Variants in PTPRE observed in about 807,000 individuals in gnomAD.
PTPRE encodes the protein receptor-type tyrosine-protein phosphatase epsilon.
A neutral mutation model predicts 102.0 loss-of-function variants in PTPRE; 51 were observed. The ratio of observed to expected loss-of-function variants is 0.50; its 90% CI spans 0.40 to 0.63. PTPRE has a LOEUF of 0.63. Ranked by LOEUF, PTPRE falls within the 30% of genes least tolerant of loss-of-function variation. PTPRE has a pLI of 0.00. For synonymous variants in PTPRE, 345 were observed against 348.2 expected (o/e 0.99, Z 0.10); for missense variants, 752 against 915.1 (o/e 0.82, Z 2.30).
At chr10:127,953,840 A>G (rs1400784190) in intron 1 of PTPRE, among the ~76,000 whole-genome samples, 5 of 152,198 alleles carry the variant, frequency 3.3e-5, no homozygotes, top group Admixed American at 3.3e-4. Context: ...ACACTGGGCA[A>G]TGTACCTGGT....
chr10:127,910,727 C>T lies in PTPRE; in HGVS notation c.-31+3418C>T, dbSNP rs372393974. 7.9e-5 allele frequency among the ~76,000 whole-genome samples: 12 copies of T among 152,308 alleles called. No homozygotes were observed. The South Asian group carries it at 2.3e-3, about 29-fold the overall frequency. ...ATTGACAGGCCGCTTGGCTGGTATG[C>T]AGTAAACTGTGGTTATCTTTCCCCT... On this transcript the variant is annotated intron_variant, in intron 1 of 20. Transcript: ENST00000254667.
rs1846472823 is a variant in PTPRE at position 128,028,760 on chromosome 10, C to T, written c.-7-12115C>T. ...GGATCTGCTCCCAGGAAGAAGCCTCCATCCCTGCGGAGGGCTTGAGACCCT... is the reference window on the plus strand; with the variant it reads ...GGATCTGCTCCCAGGAAGAAGCCTCTATCCCTGCGGAGGGCTTGAGACCCT... On this transcript the variant is annotated intron_variant, in intron 2 of 20. Coordinates refer to ENST00000254667, the MANE Select transcript of PTPRE (RefSeq NM_006504.6). The surrounding 1 kb of genome is among the most constrained non-coding windows in gnomAD (Gnocchi z 4.5). Among the ~76,000 whole-genome samples, 1 of 152,168 alleles carries T rather than the reference C, an allele frequency of 6.6e-6. No individual in the cohort carries two copies. Among genetic ancestry groups the T allele is most frequent in the African/African-American group, 2.4e-5 (1 of 41,434 alleles).
chr10:127,969,156 C>T lies in PTPRE; in HGVS notation c.-30-13118C>T, dbSNP rs114701541. ...ATAGTGCAACACTAAATTCGGAAGG[C>T]GAACGCCATGGAGCTGGAATTGCAT... is the stretch of plus-strand genomic sequence containing the variant. On this transcript the variant is annotated intron_variant, in intron 1 of 20. Transcript: ENST00000254667. Among the ~76,000 whole-genome samples, 10 of 152,312 alleles carry T rather than the reference C, an allele frequency of 6.6e-5. No homozygotes were observed. In the East Asian group the frequency reaches 1.2e-3, roughly 18 times the overall value.
intron 1 of PTPRE, among the ~76,000 whole-genome samples, chr10:127,923,235 C>A (rs1846737230): frequency 6.6e-6 from 1 of 152,184 alleles, no homozygotes; most frequent in Admixed American, 6.5e-5. Flanking sequence ...ATCACCTTAT[C>A]AGGTGAGGGG....
intron 1 of PTPRE, among the ~76,000 whole-genome samples, chr10:127,946,590 T>A (rs1210149308): frequency 6.6e-6 from 1 of 152,082 alleles, no homozygotes; most frequent in Non-Finnish European, 1.5e-5. Flanking sequence ...AAGAGCAAGA[T>A]GCGCTTGCAC....
At chr10:127,982,403 G>A in intron 2 of PTPRE, 107 bp downstream of exon 2, 2 of 775,892 alleles carry the variant, frequency 2.6e-6, no homozygotes, top group East Asian at 6.5e-5. Flanking sequence ...GAGAAAGAAA[G>A]CCATATGGTC....
At chr10:128,021,503 G>A (rs534236479) in intron 2 of PTPRE, among the ~76,000 whole-genome samples, 1 of 152,336 alleles carries the variant, frequency 6.6e-6, no homozygotes, top group East Asian at 1.9e-4. Context: ...GGCCCTCGGG[G>A]CACCGCCATG....
At chr10:127,985,881 A>C (rs1159375319) in intron 2 of PTPRE, among the ~76,000 whole-genome samples, 1 of 152,152 alleles carries the variant, frequency 6.6e-6, no homozygotes, top group Admixed American at 6.5e-5. Flanking sequence ...ACCTGGGGCC[A>C]GGAGTTCAAG....
intron 1 of PTPRE, among the ~76,000 whole-genome samples, chr10:127,972,633 C>T (rs543403088): frequency 6.6e-6 from 1 of 152,312 alleles, no homozygotes; most frequent in East Asian, 1.9e-4. Flanking sequence ...ACCATGATGC[C>T]GTGGATCATC....
intron 11 of PTPRE, among the ~76,000 whole-genome samples, chr10:128,066,500 A>G (rs957269015): frequency 6.6e-6 from 1 of 152,216 alleles, no homozygotes; most frequent in African/African-American, 2.4e-5. Flanking sequence ...CTCCCTCAGT[A>G]GCACAGTGAC....
intron 11 of PTPRE, among the ~76,000 whole-genome samples, chr10:128,067,160 TCA>T (rs1242963773): frequency 8.0e-5 from 10 of 125,276 alleles, no homozygotes; most frequent in South Asian, 5.2e-4. Context: ...CACACCCCAC[TCA>T]CATGCACACA....
intron 5 of PTPRE, 105 bp from the exon 6 acceptor site, chr10:128,049,425 T>A (rs1848367627): frequency 7.1e-6 from 10 of 1,415,816 alleles, no homozygotes; most frequent in Non-Finnish European, 9.7e-6. Context: ...CTGTTCCAGC[T>A]CCAGCCTGGT....
chr10:127,992,575 A>G (rs1286786339), intron 2 of PTPRE, among the ~76,000 whole-genome samples: 3 of 152,026 alleles, frequency 2.0e-5, no homozygotes, highest in African/African-American at 7.2e-5. Context: ...CTGCTCACCA[A>G]CGCTCCTGGG....
At chr10:127,942,214 A>T (rs4751553) in intron 1 of PTPRE, among the ~76,000 whole-genome samples, 16,503 of 152,150 alleles carry the variant, frequency 0.11, 1,393 homozygotes, top group African/African-American at 0.22. Flanking sequence ...TGGTTTAAGC[A>T]CAGGGAACCA....
At chr10:128,003,144 AG>A in intron 2 of PTPRE, among the ~76,000 whole-genome samples, 1 of 152,246 alleles carries the variant, frequency 6.6e-6, no homozygotes, top group African/African-American at 2.4e-5. Flanking sequence ...TGACCTCGGG[AG>A]GTGACTTGAC....
chr10:128,009,006 G>A (rs1241250142), intron 2 of PTPRE, among the ~76,000 whole-genome samples: 1 of 152,138 alleles, frequency 6.6e-6, no homozygotes, highest in African/African-American at 2.4e-5. Context: ...GTCAGTCAGG[G>A]GTTGCTTGGA....
chr10:127,938,237 C>T (rs1392822796), intron 1 of PTPRE, among the ~76,000 whole-genome samples: 1 of 152,188 alleles, frequency 6.6e-6, no homozygotes, highest in Non-Finnish European at 1.5e-5. Context: ...AGCATAGCAG[C>T]CCCTTAATTA....
At chr10:128,048,776 G>T (rs115128932) in intron 5 of PTPRE, among the ~76,000 whole-genome samples, 2,008 of 152,294 alleles carry the variant, frequency 0.013, 53 homozygotes, top group African/African-American at 0.047. Context: ...TCACTTGGAG[G>T]AATGAGTCTT....
chr10:128,059,318 G>A (rs928006835), intron 7 of PTPRE, among the ~76,000 whole-genome samples: 12 of 152,310 alleles, frequency 7.9e-5, no homozygotes, highest in African/African-American at 2.9e-4. Context: ...CCCTGTGTGG[G>A]CTGTGACTGT....
Sources: allele counts gnomAD v4.1 joint callset (sites outside exome capture counted in the v4.1 genomes callset), GRCh38; gene constraint gnomAD v4.1.1; non-coding constraint Gnocchi (gnomAD v3.1); transcripts MANE v1.5; gene names NCBI Gene and HGNC (gene_info 2026-07-23, HGNC 2026-07-21).